Variants in L3MBTL3 observed in about 807,000 individuals in gnomAD.
L3MBTL3 encodes L3MBTL histone methyl-lysine binding protein 3.
A neutral mutation model predicts 102.3 loss-of-function variants in L3MBTL3; 27 were observed. The observed-to-expected ratio is 0.26, with a 90% CI of 0.19 to 0.36. The LOEUF is 0.36. Ranked by LOEUF, L3MBTL3 falls within the 10% of genes least tolerant of loss-of-function variation. L3MBTL3 has a pLI of 1.00. For synonymous variants in L3MBTL3, 340 were observed against 320.9 expected, an observed-to-expected ratio of 1.06 and a Z score of -0.64; for missense variants, 798 against 955.3, an observed-to-expected ratio of 0.84 and a Z score of 2.17.
Position 130,051,300 on chromosome 6 carries a change from T to C in L3MBTL3, c.341T>C (p.Val114Ala), listed in dbSNP as rs779368860. 6.2e-7 allele frequency: 1 copy of C among 1,613,974 alleles called. No homozygotes were observed. The highest frequency in any genetic ancestry group is 8.5e-7 in the Non-Finnish European group (1 of 1,179,850). The change falls in exon 6 of 23, where the codon GTA (valine) becomes GCA (alanine). Residue 114 changes from valine (V) to alanine (A), a missense_variant. Coordinates refer to ENST00000361794, the MANE Select transcript of L3MBTL3 (RefSeq NM_032438.4). ...MPFRLKDPVK[V>A]EGLQFCENCC... ...TTCAGGTTGAAGGATCCAGTGAAAG[T>C]AGAAGGGCTTCAGTTCTGTGAGAAC...
chr6:130,111,713 C>T lies in L3MBTL3; in HGVS notation c.1886+7138C>T, dbSNP rs144803963. ...AGCTAATGTTCCATCACACTCATTC[C>T]CAAATTTGGCTTCATATCAGATCCC... On this transcript the variant is annotated intron_variant, in intron 19 of 22. Coordinates refer to ENST00000361794, the MANE Select transcript of L3MBTL3 (RefSeq NM_032438.4). Among the ~76,000 whole-genome samples the T allele has an allele frequency of 9.9e-5, 15 of 152,244 alleles. No individual in the cohort carries two copies. In the East Asian group the frequency reaches 2.9e-3, roughly 29 times the overall value.
At chr6:130,090,592 T>C (rs1783981320) in intron 16 of L3MBTL3, among the ~76,000 whole-genome samples, 2 of 152,098 alleles carry the variant, frequency 1.3e-5, no homozygotes, top group Admixed American at 6.6e-5. Flanking sequence ...CTTCTTCTTT[T>C]TTCTTTTCTT....
Position 130,057,443 on chromosome 6 carries a change from A to G in L3MBTL3, c.705A>G (p.Ala235=). The change falls in exon 9 of 23, where the codon GCA becomes GCG. Residue 235 remains alanine (A), a synonymous_variant. Coordinates refer to ENST00000361794, the MANE Select transcript of L3MBTL3 (RefSeq NM_032438.4). ...AAGGAAAGAAAGCGTGGTGCTGGGC[A>G]TCCTACCTGGAAGAGGAGAAAGCGG... ...PPKGKKAWCW[A]SYLEEEKAVA... is the part of the protein sequence containing the mutation. The G allele has an allele frequency of 3.7e-6, 6 of 1,611,396 alleles. No individual in the cohort carries two copies. Among genetic ancestry groups the G allele is most frequent in the Non-Finnish European group, 5.1e-6 (6 of 1,179,308 alleles).
At chr6:130,042,294 C>T (rs1780470684) in intron 2 of L3MBTL3, among the ~76,000 whole-genome samples, 1 of 152,132 alleles carries the variant, frequency 6.6e-6, no homozygotes, top group Non-Finnish European at 1.5e-5. Context: ...GGCAGATTAT[C>T]ATTTATCCAT....
chr6:130,092,946 C>A lies in L3MBTL3; in HGVS notation c.1633+87C>A, dbSNP rs1380932958. On this transcript the variant is annotated intron_variant, in intron 17 of 22. Coordinates refer to ENST00000361794, the MANE Select transcript of L3MBTL3 (RefSeq NM_032438.4). ...TCATCCTTAGCCCTTTCTTTTTCTC[C>A]TCCTCTCTCTACTGATGTTTCTTCT... The A allele has an allele frequency of 3.9e-6, 3 of 770,418 alleles. No homozygotes were observed. In the East Asian group the frequency reaches 7.6e-5, roughly 20 times the overall value. 47.7% of individuals were successfully genotyped at this position (770,418 alleles called of 1,614,324 possible).
At chr6:130,045,568 G>T (rs966155108) in intron 3 of L3MBTL3, among the ~76,000 whole-genome samples, 1 of 152,098 alleles carries the variant, frequency 6.6e-6, no homozygotes, top group South Asian at 2.1e-4. Flanking sequence ...TTACTGGCAG[G>T]GGTCTCAAAA....
intron 18 of L3MBTL3, among the ~76,000 whole-genome samples, chr6:130,094,860 A>G (rs960335307): frequency 2.6e-5 from 4 of 152,160 alleles, no homozygotes; most frequent in African/African-American, 9.7e-5. Flanking sequence ...CTTACCCCTA[A>G]GTAACTTTAA....
chr6:130,102,272 A>T (rs1386947353), intron 18 of L3MBTL3, among the ~76,000 whole-genome samples: 1 of 152,080 alleles, frequency 6.6e-6, no homozygotes, highest in Non-Finnish European at 1.5e-5. Context: ...TCTCAACCAC[A>T]CAAATCCAAG....
At chr6:130,077,691 T>C (rs1783043810) in intron 13 of L3MBTL3, among the ~76,000 whole-genome samples, 1 of 152,220 alleles carries the variant, frequency 6.6e-6, no homozygotes, top group East Asian at 1.9e-4. Flanking sequence ...CCTTATTCCC[T>C]GGAAACTCCA....
intron 10 of L3MBTL3, among the ~76,000 whole-genome samples, chr6:130,063,131 G>A (rs1782020614): frequency 6.6e-6 from 1 of 152,010 alleles, no homozygotes; most frequent in South Asian, 2.1e-4. Context: ...GGGACCCAGA[G>A]TATATGTGGA....
At chr6:130,065,885 C>G (rs1289946482) in intron 10 of L3MBTL3, among the ~76,000 whole-genome samples, 3 of 151,866 alleles carry the variant, frequency 2.0e-5, no homozygotes, top group Admixed American at 2.0e-4. Flanking sequence ...TTTCTTTCTT[C>G]CAACCCAGCT....
At chr6:130,050,574 C>G (rs2114773442) in intron 5 of L3MBTL3, among the ~76,000 whole-genome samples, 1 of 152,340 alleles carries the variant, frequency 6.6e-6, no homozygotes, top group East Asian at 1.9e-4. Flanking sequence ...GTTTATGCCT[C>G]TAGTATTGCA....
chr6:130,025,580 T>C (rs1779290339), intron 2 of L3MBTL3, among the ~76,000 whole-genome samples: 1 of 152,168 alleles, frequency 6.6e-6, no homozygotes, highest in Non-Finnish European at 1.5e-5. Context: ...CAAGGATCTT[T>C]GAGAGGAACT....
intron 7 of L3MBTL3, among the ~76,000 whole-genome samples, chr6:130,053,539 G>A (rs1031926204): frequency 2.6e-5 from 4 of 151,896 alleles, no homozygotes; most frequent in African/African-American, 9.7e-5. Flanking sequence ...GGAGGCTGAG[G>A]CAGGAGAATG....
chr6:130,048,967 C>T (rs5006716), intron 3 of L3MBTL3, among the ~76,000 whole-genome samples: 25 of 150,548 alleles, frequency 1.7e-4, no homozygotes, highest in South Asian at 6.3e-4. Flanking sequence ...CACACACACA[C>T]ACATACACAC....
intron 18 of L3MBTL3, among the ~76,000 whole-genome samples, chr6:130,099,380 T>A (rs1320370605): frequency 6.6e-6 from 1 of 152,178 alleles, no homozygotes; most frequent in Non-Finnish European, 1.5e-5. Context: ...ACTAGAAACT[T>A]AGTACGTGAG....
At chr6:130,123,207 C>T (rs549993591) in intron 20 of L3MBTL3, among the ~76,000 whole-genome samples, 1 of 152,122 alleles carries the variant, frequency 6.6e-6, no homozygotes, top group Non-Finnish European at 1.5e-5. Context: ...ATGGTATTCT[C>T]TTCTTTATTT....
chr6:130,076,448 A>G (rs1782954734), intron 13 of L3MBTL3, among the ~76,000 whole-genome samples: 2 of 152,092 alleles, frequency 1.3e-5, no homozygotes, highest in Non-Finnish European at 2.9e-5. Context: ...TATCCTTATA[A>G]GCATGGATTT....
intron 16 of L3MBTL3, among the ~76,000 whole-genome samples, chr6:130,091,582 T>G (rs1222557261): frequency 6.6e-6 from 1 of 151,964 alleles, no homozygotes; most frequent in East Asian, 1.9e-4. Context: ...CTTTTCACAC[T>G]AGCTAAGATA....
Sources: allele counts gnomAD v4.1 joint callset (sites outside exome capture counted in the v4.1 genomes callset), GRCh38; gene constraint gnomAD v4.1.1; transcripts MANE v1.5; gene names NCBI Gene and HGNC (gene_info 2026-07-23, HGNC 2026-07-21).